EXD3: variants seen among roughly 807,000 people sequenced by gnomAD.
The protein encoded by EXD3 is exonuclease mut-7 homolog.
Under a neutral mutation model 98.0 loss-of-function variants are expected in EXD3, and 92 were observed. The observed-to-expected ratio is 0.94, with a 90% confidence interval of 0.79 to 1.12. The LOEUF (loss-of-function observed/expected upper bound fraction) is 1.12. Ranked by LOEUF, EXD3 falls within the 50% of genes most tolerant of loss-of-function variation. The pLI, the probability that EXD3 is intolerant of heterozygous loss-of-function variation, is 0.00. For synonymous variants in EXD3, 569 were observed against 526.0 expected (o/e 1.08, Z -1.12); for missense variants, 1,222 against 1,191.6 (o/e 1.03, Z -0.38).
chr9:137,374,894 C>G, intron 3 of EXD3: 4 of 980,228 alleles, frequency 4.1e-6, no homozygotes, highest in Non-Finnish European at 4.8e-6. Flanking sequence ...TGAGTCCTGG[C>G]CCTAGTGAGA....
chr9:137,358,939 C>T (rs886804627), intron 7 of EXD3, among the ~76,000 whole-genome samples: 5 of 150,910 alleles, frequency 3.3e-5, no homozygotes, highest in African/African-American at 1.2e-4. Flanking sequence ...TCCCACTGCA[C>T]CTGGCAAGGC....
In EXD3 at chr9:137,373,087, AC is replaced by A; in HGVS notation, c.295-16del. ...CTCAGGCTGTGCTGGAAGAGCAGGG[AC>A]CCAGACTTACTGGACGCAGCACCCA... On this transcript the variant is annotated splice_polypyrimidine_tract_variant and intron_variant, in intron 4 of 21. Coordinates refer to ENST00000340951, the MANE Select transcript of EXD3 (RefSeq NM_017820.5). 1 of 1,545,736 alleles carries A rather than the reference AC, an allele frequency of 6.5e-7. No individual in the cohort carries two copies.
At chr9:137,333,946 GATTCT>G (rs914940665) in intron 17 of EXD3, among the ~76,000 whole-genome samples, 65 of 152,026 alleles carry the variant, frequency 4.3e-4, no homozygotes, top group African/African-American at 1.6e-3. Flanking sequence ...AGGTTCAAGT[GATTCT>G]CCTGCCTCAG....
chr9:137,317,331 C>T (rs1242073137), intron 19 of EXD3, among the ~76,000 whole-genome samples: 3 of 152,174 alleles, frequency 2.0e-5, no homozygotes, highest in South Asian at 2.1e-4. Flanking sequence ...GCCGGTCCCT[C>T]CTGCGTGCAC....
chr9:137,368,620 T>TGACCCACGAGAGC (rs1328046723), intron 5 of EXD3, among the ~76,000 whole-genome samples: 1 of 152,154 alleles, frequency 6.6e-6, no homozygotes, highest in Non-Finnish European at 1.5e-5. Context: ...CCAGCAAAAA[T>TGACCCACGAGAGC]GACCCACGAG....
At chr9:137,311,482 C>A (rs1831358232) in intron 19 of EXD3, among the ~76,000 whole-genome samples, 1 of 152,238 alleles carries the variant, frequency 6.6e-6, no homozygotes, top group South Asian at 2.1e-4. Flanking sequence ...TCCCCACACC[C>A]CCAAATACTC....
chr9:137,354,921 C>G (rs531755459), intron 8 of EXD3, 148 bp from the exon 9 acceptor site: 3 of 775,810 alleles, frequency 3.9e-6, no homozygotes, highest in Admixed American at 2.9e-5. Flanking sequence ...CTCCTCACCA[C>G]CTGGGCCTCT....
chr9:137,340,412 G>A (rs1360725282), intron 17 of EXD3, among the ~76,000 whole-genome samples: 1 of 152,074 alleles, frequency 6.6e-6, no homozygotes, highest in Non-Finnish European at 1.5e-5. Flanking sequence ...GGGAGGCAGA[G>A]GTTGCAGTGA....
intron 1 of EXD3, among the ~76,000 whole-genome samples, chr9:137,396,183 G>A (rs1837209606): frequency 6.6e-6 from 1 of 152,006 alleles, no homozygotes; most frequent in South Asian, 2.1e-4. Flanking sequence ...GGTCAGGCTG[G>A]TATCGAACTC....
intron 1 of EXD3, among the ~76,000 whole-genome samples, chr9:137,413,772 T>C (rs1044178653): frequency 1.3e-5 from 2 of 151,976 alleles, no homozygotes; most frequent in African/African-American, 4.8e-5. Flanking sequence ...AACATTTTCA[T>C]TGCCCCAAAG....
intron 1 of EXD3, among the ~76,000 whole-genome samples, chr9:137,421,541 T>A (rs1386192583): frequency 6.6e-6 from 1 of 152,216 alleles, no homozygotes; most frequent in Non-Finnish European, 1.5e-5. Context: ...TGGCTACAAG[T>A]CTCAAAGAAG....
At chr9:137,352,367 C>T (rs1360297168) in intron 11 of EXD3, among the ~76,000 whole-genome samples, 166 bp from the exon 12 acceptor site, 1 of 152,198 alleles carries the variant, frequency 6.6e-6, no homozygotes, top group African/African-American at 2.4e-5. Flanking sequence ...TTGCTCCTGC[C>T]TCTCCTCCCA....
In EXD3 at chr9:137,393,156, C is replaced by A. The variant is rs1317993291; in HGVS notation, c.55+2147G>T. The A allele has an allele frequency of 2.9e-6, 2 of 701,624 alleles. No individual in the cohort carries two copies. The highest frequency in any genetic ancestry group is 3.5e-5 in the African/African-American group (2 of 57,044). The allele number at this position is 701,624 out of a possible 1,614,324, so 43.5% of individuals were successfully genotyped here. A position where few individuals can be genotyped will look rare whatever the true frequency, so the allele number is the denominator to read the frequency against. On this transcript the variant is annotated intron_variant, in intron 2 of 21. Transcript: ENST00000340951. This position sits in a 1 kb window ranked among gnomAD's most constrained non-coding sequence, Gnocchi z 4.6. ...GGGGGCGCCGAGGCTGTTCCAGGGG[C>A]CCTGCTAGCTGGGGTGTTGCACTTT...
intron 3 of EXD3, among the ~76,000 whole-genome samples, chr9:137,379,788 G>T (rs1347431164): frequency 2.0e-5 from 3 of 151,932 alleles, no homozygotes; most frequent in Non-Finnish European, 4.4e-5. Context: ...CCGGAGTTCT[G>T]CAGCACCCGT....
chr9:137,369,300 G>A lies in EXD3; in HGVS notation c.463-1311C>T, dbSNP rs112711894. ...GGGGACCACCCCAGCAGTGACACCC[G>A]CAGCTTCACACAAGGGCTCTGATCC... is the stretch of plus-strand genomic sequence containing the variant. On this transcript the variant is annotated intron_variant, in intron 5 of 21. Coordinates refer to ENST00000340951, the MANE Select transcript of EXD3 (RefSeq NM_017820.5). 3.0e-3 allele frequency among the ~76,000 whole-genome samples: 464 copies of A among 152,200 alleles called. 6 individuals carry two copies. The highest frequency in any genetic ancestry group is 0.011 in the African/African-American group (443 of 41,520).
At chr9:137,309,274 C>G (rs75211086) in intron 20 of EXD3, among the ~76,000 whole-genome samples, 5,511 of 152,054 alleles carry the variant, frequency 0.036, 347 homozygotes, top group African/African-American at 0.13. Flanking sequence ...TGTAGGTGCA[C>G]GTGTGTGTGT....
intron 3 of EXD3, among the ~76,000 whole-genome samples, chr9:137,380,037 C>T (rs1352800700): frequency 1.3e-5 from 2 of 151,958 alleles, no homozygotes; most frequent in Non-Finnish European, 2.9e-5. Flanking sequence ...CCAGGCATCT[C>T]CTTCCAGCTC....
chr9:137,389,525 A>T (rs1836781457), intron 2 of EXD3, among the ~76,000 whole-genome samples: 1 of 152,106 alleles, frequency 6.6e-6, no homozygotes, highest in Non-Finnish European at 1.5e-5. Flanking sequence ...GGGAGAGCCC[A>T]CCGTTCGATG....
At chr9:137,394,706 AGCG>A (rs1837120078) in intron 2 of EXD3, among the ~76,000 whole-genome samples, 5 of 146,972 alleles carry the variant, frequency 3.4e-5, no homozygotes, top group South Asian at 4.3e-4. Context: ...CAGCCGAGCG[AGCG>A]GGGATGCGGC....
Sources: allele counts gnomAD v4.1 joint callset (sites outside exome capture counted in the v4.1 genomes callset), GRCh38; gene constraint gnomAD v4.1.1; non-coding constraint Gnocchi (gnomAD v3.1); transcripts MANE v1.5; gene names NCBI Gene and HGNC (gene_info 2026-07-23, HGNC 2026-07-21).